Variants in MTSS1 observed in about 807,000 individuals in gnomAD.
MTSS1 encodes the protein MTSS I-BAR domain containing 1.
In MTSS1, 18 loss-of-function variants were observed where a neutral mutation model predicts 79.0. The observed-to-expected ratio is 0.23, with a 90% CI of 0.16 to 0.34. The LOEUF (loss-of-function observed/expected upper bound fraction) is 0.34, where lower values mean the gene tolerates loss of function less well. MTSS1 is among the 10% of genes least tolerant of loss of function. MTSS1 has a pLI of 1.00. For synonymous variants in MTSS1, 341 were observed against 368.6 expected, an observed-to-expected ratio of 0.93 and a Z score of 0.86; for missense variants, 815 against 986.2, an observed-to-expected ratio of 0.83 and a Z score of 2.33.
chr8:124,621,532 C>T (rs1813507381), intron 3 of MTSS1, among the ~76,000 whole-genome samples: 2 of 152,078 alleles, frequency 1.3e-5, no homozygotes, highest in African/African-American at 4.8e-5. Context: ...TGGAAGGGTT[C>T]CTATCACTTT....
intron 13 of MTSS1, among the ~76,000 whole-genome samples, chr8:124,554,322 A>G (rs1263091161): frequency 6.6e-6 from 1 of 152,084 alleles, no homozygotes; most frequent in African/African-American, 2.4e-5. Context: ...TTTGTTATGG[A>G]GGACGTGGTG....
intron 8 of MTSS1, 125 bp from the exon 9 acceptor site, chr8:124,565,884 G>A: frequency 1.5e-6 from 1 of 668,788 alleles, no homozygotes; most frequent in Non-Finnish European, 2.4e-6. Flanking sequence ...AGCAAAACAT[G>A]TTAAAAAAAT....
chr8:124,562,759 C>T (rs770334362), intron 10 of MTSS1, 23 bp downstream of exon 10: 1 of 1,608,122 alleles, frequency 6.2e-7, no homozygotes, highest in South Asian at 1.1e-5. Flanking sequence ...GACAGCTGCT[C>T]CTGGAGCCAA....
chr8:124,634,567 T>C (rs1816650222), intron 3 of MTSS1, among the ~76,000 whole-genome samples: 1 of 152,174 alleles, frequency 6.6e-6, no homozygotes, highest in African/African-American at 2.4e-5. Context: ...TTGATTTTGG[T>C]CTGTCACCAA....
At chr8:124,685,808 G>C (rs1452706560) in intron 3 of MTSS1, among the ~76,000 whole-genome samples, 1 of 152,176 alleles carries the variant, frequency 6.6e-6, no homozygotes, top group East Asian at 1.9e-4. Flanking sequence ...TAAAATGCCA[G>C]AAGAAGACAT....
rs774136029 is a variant in MTSS1 at position 124,565,646 on chromosome 8, C to A, written c.824+16G>T. 3 of 1,606,316 alleles carry A rather than the reference C, an allele frequency of 1.9e-6. No homozygotes were observed. Among genetic ancestry groups the A allele is most frequent in the Non-Finnish European group, 2.6e-6 (3 of 1,172,982 alleles). ...GACCCGTCCTGAAAGCAAGAGTGGA[C>A]CCCGGCTTCACTCACCTGCAGACAC... On this transcript the variant is annotated intron_variant, in intron 9 of 13. Transcript: ENST00000518547.
intron 3 of MTSS1, among the ~76,000 whole-genome samples, chr8:124,656,256 A>G (rs1467697643): frequency 6.6e-6 from 1 of 152,210 alleles, no homozygotes; most frequent in Non-Finnish European, 1.5e-5. Flanking sequence ...TTAGGAAGAG[A>G]AAATCAGCTA....
intron 3 of MTSS1, among the ~76,000 whole-genome samples, chr8:124,697,574 A>G (rs558846808): frequency 1.3e-5 from 2 of 152,192 alleles, no homozygotes; most frequent in South Asian, 4.2e-4. Flanking sequence ...AAAAAACAAA[A>G]AACAAACAAA....
intron 3 of MTSS1, among the ~76,000 whole-genome samples, chr8:124,687,989 G>A (rs998283092): frequency 6.6e-6 from 1 of 152,192 alleles, no homozygotes; most frequent in African/African-American, 2.4e-5. Flanking sequence ...GCTCTAAAGG[G>A]AAGTACCACC....
intron 6 of MTSS1, among the ~76,000 whole-genome samples, chr8:124,575,630 G>C (rs8180920): frequency 0.59 from 89,875 of 151,916 alleles, 27,077 homozygotes; most frequent in Non-Finnish European, 0.66. Flanking sequence ...GTTCAAGGTC[G>C]TTTTTGATGT....
At chr8:124,572,311 A>G (rs114822403) in intron 6 of MTSS1, among the ~76,000 whole-genome samples, 1,747 of 152,336 alleles carry the variant, frequency 0.011, 39 homozygotes, top group African/African-American at 0.041. Flanking sequence ...GATAGATGAT[A>G]AGCTAAAACT....
chr8:124,657,765 C>T (rs1821239216), intron 3 of MTSS1, among the ~76,000 whole-genome samples: 1 of 152,204 alleles, frequency 6.6e-6, no homozygotes, highest in South Asian at 2.1e-4. Context: ...GCATGAGGCT[C>T]TCAGCTCACA....
chr8:124,553,375 C>A lies in MTSS1; in HGVS notation c.1885G>T (p.Val629Leu), dbSNP rs750265136. 1 of 1,611,050 alleles carries A rather than the reference C, an allele frequency of 6.2e-7. No individual in the cohort carries two copies. The highest frequency in any genetic ancestry group is 8.5e-7 in the Non-Finnish European group (1 of 1,177,666). Residue 629 changes from valine (V) to leucine (L), a missense_variant, in exon 14 of 14, where the codon GTG becomes TTG. By Grantham distance (32) the Val-to-Leu change is conservative. Around this residue, in one of 2 missense-constraint regions of MTSS1, gnomAD observed 590 missense variants for 620.8 expected, o/e 0.95. Transcript: ENST00000518547. The surrounding 1 kb of genome is among the most constrained non-coding windows in gnomAD (Gnocchi z 6.0). ...GGCCCATCTGGAGGGGCTGGCAACACCCCTGGGAGGTCTGGGACGGTTGGG... is the reference window on the plus strand; with the variant it reads ...GGCCCATCTGGAGGGGCTGGCAACAACCCTGGGAGGTCTGGGACGGTTGGG... The part of the protein sequence containing the change: ...KTPTVPDLPG[V>L]LPAPPDGPEE...
rs138703490 is a variant in MTSS1 at position 124,660,711 on chromosome 8, C to G, written c.208+38815G>C. Among the ~76,000 whole-genome samples the G allele has an allele frequency of 8.4e-4, 128 of 152,298 alleles. 2 individuals are homozygous for G. Among genetic ancestry groups the G allele is most frequent in the Middle Eastern group, 3.4e-3 (1 of 294 alleles). The stretch of plus-strand genomic sequence containing the variant: ...ATTTCTACGAAGCTTGTTCTAAATG[C>G]ACATGATATCAGTGTTCTAAAATTC... On this transcript the variant is annotated intron_variant, in intron 3 of 13. Coordinates refer to ENST00000518547, the MANE Select transcript of MTSS1 (RefSeq NM_014751.6).
intron 3 of MTSS1, among the ~76,000 whole-genome samples, chr8:124,599,794 C>T (rs1165107883): frequency 6.6e-6 from 1 of 152,154 alleles, no homozygotes; most frequent in African/African-American, 2.4e-5. Context: ...AGGCACACTC[C>T]ACGCAGCCTG....
At chr8:124,612,580 G>GTGTA (rs1427852229) in intron 3 of MTSS1, among the ~76,000 whole-genome samples, 1 of 64,164 alleles carries the variant, frequency 1.6e-5, no homozygotes, top group Admixed American at 1.7e-4. Flanking sequence ...TAAAATGTGT[G>GTGTA]TGTGTGTGTG....
intron 6 of MTSS1, among the ~76,000 whole-genome samples, chr8:124,574,016 A>G (rs997926720): frequency 1.6e-4 from 25 of 152,068 alleles, no homozygotes; most frequent in African/African-American, 5.3e-4. Flanking sequence ...TTTTTGAGAC[A>G]GAGTCTCGCT....
At chr8:124,556,023 G>T in intron 12 of MTSS1, 119 bp from the exon 13 acceptor site, 1 of 1,544,644 alleles carries the variant, frequency 6.5e-7, no homozygotes, top group South Asian at 1.2e-5. Context: ...GACTTGCTTG[G>T]GTCCCACTCT....
chr8:124,634,318 GT>G (rs570692171), intron 3 of MTSS1, among the ~76,000 whole-genome samples: 9 of 147,146 alleles, frequency 6.1e-5, no homozygotes, highest in South Asian at 2.1e-4. Flanking sequence ...TTTTTTTATA[GT>G]TTTTTTTTGT....
Sources: gnomAD v4.1 joint callset for allele counts (sites outside exome capture counted in the v4.1 genomes callset) on GRCh38, gnomAD v4.1.1 for gene constraint, gnomAD v4.1.1 regional missense constraint, Gnocchi (gnomAD v3.1) non-coding constraint, MANE v1.5 for transcripts, NCBI Gene and HGNC (gene_info 2026-07-23, HGNC 2026-07-21) for gene names.